The following PCDHGA3 variants were observed in gnomAD, a reference collection of about 807,000 sequenced individuals.
PCDHGA3 encodes protocadherin gamma-A3.
A neutral mutation model predicts 58.5 loss-of-function variants in PCDHGA3; 40 were observed. That is an observed-to-expected ratio of 0.68 (90% CI 0.53 to 0.89). The LOEUF is 0.89. PCDHGA3 is among the 40% of genes least tolerant of loss of function. The pLI is 0.00. For synonymous variants in PCDHGA3, 530 were observed against 525.7 expected, an observed-to-expected ratio of 1.01 and a Z score of -0.11; for missense variants, 1,223 against 1,195.9, an observed-to-expected ratio of 1.02 and a Z score of -0.33.
intron 1 of PCDHGA3, chr5:141,355,186 C>T (rs1308919687): frequency 6.3e-7 from 1 of 1,588,558 alleles, no homozygotes; most frequent in East Asian, 2.2e-5. Context: ...CAGGCGACTC[C>T]GCGGCGGGGT....
rs2099415271 is a variant in PCDHGA3, at chr5:141,477,659, G to A, written c.2425-17148G>A. 6.2e-7 allele frequency: 1 copy of A among 1,614,194 alleles called. No individual in the cohort carries two copies. The highest frequency in any genetic ancestry group is 1.3e-5 in the African/African-American group (1 of 75,046). ...GGGTCGCTATTTCACAATAAATCGT[G>A]ACAATGGCATAGTGTCATCCTTAGT... On this transcript the variant is annotated intron_variant, in intron 1 of 3. Transcript: ENST00000253812. The surrounding 1 kb of genome is among the most constrained non-coding windows in gnomAD (Gnocchi z 4.9).
rs778244253 is a variant in PCDHGA3 at position 141,376,253 on chromosome 5, C to G, written c.2424+29796C>G. 3 of 1,614,104 alleles carry G rather than the reference C, an allele frequency of 1.9e-6. No individual in the cohort carries two copies. The African/African-American group carries it at 4.0e-5, about 22-fold the overall frequency. ...ACTGCAGCGCTGGCACAAGTCACGC[C>G]TGCTGCAGGCTTCGGGAGGTGGCTT... On this transcript the variant is annotated intron_variant, in intron 1 of 3. Transcript: ENST00000253812.
chr5:141,348,407 GA>G, intron 1 of PCDHGA3, among the ~76,000 whole-genome samples: 1 of 151,890 alleles, frequency 6.6e-6, no homozygotes, highest in East Asian at 1.9e-4. Context: ...TGTCTCAAAA[GA>G]AAAAGGCACG....
At chr5:141,462,627 A>T (rs1200455153) in intron 1 of PCDHGA3, among the ~76,000 whole-genome samples, 1 of 150,276 alleles carries the variant, frequency 6.7e-6, no homozygotes, top group East Asian at 1.9e-4. Flanking sequence ...TAGAAGTTCC[A>T]TTTGACTCTT....
intron 1 of PCDHGA3, chr5:141,422,419 A>G (rs1318381358): frequency 8.7e-6 from 14 of 1,607,158 alleles, no homozygotes; most frequent in Non-Finnish European, 1.2e-5. Context: ...ATTAGAAAAG[A>G]CTTATGGAAA....
rs1369150914 is a variant in PCDHGA3 at position 141,432,217 on chromosome 5, G to A, written c.2425-62590G>A. The A allele has an allele frequency of 3.1e-6, 5 of 1,614,204 alleles. No individual in the cohort carries two copies. The East Asian group carries it at 6.7e-5, about 22-fold the overall frequency. On this transcript the variant is annotated intron_variant, in intron 1 of 3. Coordinates refer to ENST00000253812, the MANE Select transcript of PCDHGA3 (RefSeq NM_018916.4). The surrounding 1 kb of genome is among the most constrained non-coding windows in gnomAD (Gnocchi z 6.0). ...ACCCCGACTGTGAAGAGAACGCCCAGATCACTTATTCCCTGGCTGAGAACA... is the reference window on the plus strand; with the variant it reads ...ACCCCGACTGTGAAGAGAACGCCCAAATCACTTATTCCCTGGCTGAGAACA...
In PCDHGA3 at chr5:141,489,750, C is replaced by T. The variant is rs753217170; in HGVS notation, c.2425-5057C>T. On this transcript the variant is annotated intron_variant, in intron 1 of 3. Coordinates refer to ENST00000253812, the MANE Select transcript of PCDHGA3 (RefSeq NM_018916.4). The surrounding 1 kb of genome is among the most constrained non-coding windows in gnomAD (Gnocchi z 4.5). ...TGGGCACCAATACTGTGAGCTTTTA[C>T]ACTCTAAGCCCCAACAGCCACTTCT... 1.2e-6 allele frequency: 2 copies of T among 1,614,098 alleles called. No homozygotes were observed. Among genetic ancestry groups the T allele is most frequent in the Admixed American group, 3.3e-5 (2 of 60,022 alleles).
chr5:141,371,025 G>T (rs752262300), intron 1 of PCDHGA3: 9 of 1,613,988 alleles, frequency 5.6e-6, no homozygotes, highest in African/African-American at 1.3e-5. Flanking sequence ...TCACCACCTG[G>T]TCCTCACAGC....
At chr5:141,422,618 A>G in intron 1 of PCDHGA3, 3 of 1,613,682 alleles carry the variant, frequency 1.9e-6, no homozygotes, top group Non-Finnish European at 2.5e-6. Flanking sequence ...TACATTCCCG[A>G]AAACAACCCC....
In PCDHGA3 at chr5:141,487,258, G is replaced by T. The variant is rs368598017; in HGVS notation, c.2425-7549G>T. On this transcript the variant is annotated intron_variant, in intron 1 of 3. Transcript: ENST00000253812. The surrounding 1 kb of genome is among the most constrained non-coding windows in gnomAD (Gnocchi z 5.0). ...CTCGTCTAACCCTCTACTTGGCTGT[G>T]TCCCTAGTGGCAATTTGCTTTGTCT... 1.5e-4 allele frequency: 240 copies of T among 1,614,026 alleles called. 1 individual carries two copies. The highest frequency in any genetic ancestry group is 3.3e-5 in the Admixed American group (2 of 60,004).
chr5:141,399,405 G>A (rs768053678), intron 1 of PCDHGA3: 1 of 1,613,974 alleles, frequency 6.2e-7, no homozygotes, highest in Admixed American at 1.7e-5. Flanking sequence ...GGGGCAAGCC[G>A]CCCCTCTCCT....
intron 1 of PCDHGA3, among the ~76,000 whole-genome samples, chr5:141,462,086 A>G (rs993185274): frequency 6.6e-6 from 1 of 151,408 alleles, no homozygotes; most frequent in Non-Finnish European, 1.5e-5. Flanking sequence ...GCCTCCCAAA[A>G]TGCTGGGATT....
Position 141,351,634 on chromosome 5 carries a change from T to C in PCDHGA3, c.2424+5177T>C, listed in dbSNP as rs763844843. 3 of 1,614,058 alleles carry C rather than the reference T, an allele frequency of 1.9e-6. No homozygotes were observed. In the East Asian group the frequency reaches 6.7e-5, roughly 36 times the overall value. ...AGGCCTCCTATGTGGTCCACGTGTC[T>C]GAGAACAACCCACCTGGCGCCTCCA... is the stretch of plus-strand genomic sequence containing the variant. On this transcript the variant is annotated intron_variant, in intron 1 of 3. Coordinates refer to ENST00000253812, the MANE Select transcript of PCDHGA3 (RefSeq NM_018916.4).
chr5:141,362,499 A>G (rs1307285614), intron 1 of PCDHGA3: 2 of 1,614,042 alleles, frequency 1.2e-6, no homozygotes, highest in East Asian at 2.2e-5. Flanking sequence ...CCTCTTGGGA[A>G]CAAAATACAA....
intron 1 of PCDHGA3, chr5:141,372,696 C>T: frequency 6.2e-7 from 1 of 1,613,994 alleles, no homozygotes; most frequent in Non-Finnish European, 8.5e-7. Context: ...GTTTAAATTT[C>T]TCAATATAAA....
chr5:141,438,635 T>C (rs1325567714), intron 1 of PCDHGA3, among the ~76,000 whole-genome samples: 9 of 33,420 alleles, frequency 2.7e-4, no homozygotes, highest in East Asian at 1.8e-3. Flanking sequence ...TATATATATA[T>C]ACACACACAC....
chr5:141,441,364 CGT>C (rs1283671958), intron 1 of PCDHGA3: 1 of 152,528 alleles, frequency 6.6e-6, no homozygotes, highest in African/African-American at 2.4e-5. Context: ...CAAATGGGGC[CGT>C]GGACCAGGAA....
rs138463062 is a variant in PCDHGA3 at position 141,485,217 on chromosome 5, C to T, written c.2425-9590C>T. 7,893 of 1,614,092 alleles carry T rather than the reference C, an allele frequency of 4.9e-3. 42 individuals carry two copies. Among genetic ancestry groups the T allele is most frequent in the Admixed American group, 8.8e-3 (531 of 60,030 alleles). On this transcript the variant is annotated intron_variant, in intron 1 of 3. Coordinates refer to ENST00000253812, the MANE Select transcript of PCDHGA3 (RefSeq NM_018916.4). This position sits in a 1 kb window ranked among gnomAD's most constrained non-coding sequence, Gnocchi z 5.7. Reference sequence around the variant, plus strand: ...AGCTGGACAGAAATCTGGCGGTGGGCTACCCTTTTGTTCCTCTTTTACCAC... The same window carrying T: ...AGCTGGACAGAAATCTGGCGGTGGGTTACCCTTTTGTTCCTCTTTTACCAC...
chr5:141,384,471 G>T lies in PCDHGA3; in HGVS notation c.2424+38014G>T, dbSNP rs200621761. On this transcript the variant is annotated intron_variant, in intron 1 of 3. Coordinates refer to ENST00000253812, the MANE Select transcript of PCDHGA3 (RefSeq NM_018916.4). ...CGCTGCAATCCTTTGATTATGAGCA[G>T]TTGAGAGAACTACAACTAAGAGTGA... The T allele has an allele frequency of 1.4e-4, 226 of 1,614,000 alleles. No homozygotes were observed. The highest frequency in any genetic ancestry group is 4.2e-4 in the Admixed American group (25 of 60,010).
Sources: allele counts gnomAD v4.1 joint callset (sites outside exome capture counted in the v4.1 genomes callset), GRCh38; gene constraint gnomAD v4.1.1; non-coding constraint Gnocchi (gnomAD v3.1); transcripts MANE v1.5; gene names NCBI Gene and HGNC (gene_info 2026-07-23, HGNC 2026-07-21).